NUGGC: variants seen among roughly 807,000 people sequenced by gnomAD.
NUGGC encodes nuclear GTPase SLIP-GC.
NUGGC carries 58 observed loss-of-function variants against 92.6 expected under a neutral mutation model. That is an observed-to-expected ratio of 0.63 (90% CI 0.51 to 0.78). NUGGC has a LOEUF of 0.78. NUGGC is among the 30% of genes least tolerant of loss of function. NUGGC has a pLI of 0.00. For synonymous variants in NUGGC, 376 were observed against 366.4 expected, an observed-to-expected ratio of 1.03 and a Z score of -0.30; for missense variants, 925 against 964.6, an observed-to-expected ratio of 0.96 and a Z score of 0.54.
At chr8:28,069,790 G>A (rs753869083) in intron 3 of NUGGC, 138 bp from the exon 4 acceptor site, 16 of 652,120 alleles carry the variant, frequency 2.5e-5, no homozygotes, top group Non-Finnish European at 3.9e-5. Context: ...AAGATAGCAG[G>A]TTATCTCACA....
intron 13 of NUGGC, among the ~76,000 whole-genome samples, chr8:28,035,300 G>A (rs537124700): frequency 2.0e-5 from 3 of 152,250 alleles, no homozygotes; most frequent in Admixed American, 6.5e-5. Context: ...CGAACATAGC[G>A]GTGCAGTGGC....
rs1809162942 is a variant in NUGGC at position 28,023,237 on chromosome 8, G to A, written c.*80C>T. On this transcript the variant is annotated 3_prime_UTR_variant, in exon 19 of 19. Transcript: ENST00000413272. ...TGGGCAACAGAGGTAGATAGATCTT[G>A]TCTCTTAAGAACAAAAAAAGTAATT... 3 of 1,456,068 alleles carry A rather than the reference G, an allele frequency of 2.1e-6. No individual in the cohort carries two copies. The highest frequency in any genetic ancestry group is 2.8e-5 in the African/African-American group (2 of 70,962). 90.2% of individuals were successfully genotyped at this position (1,456,068 alleles called of 1,614,324 possible). A position where few individuals can be genotyped will look rare whatever the true frequency, so the allele number is the denominator to read the frequency against.
In NUGGC at chr8:28,040,622, C is replaced by T. The variant is rs186094820; in HGVS notation, c.1611+429G>A. Among the ~76,000 whole-genome samples, 888 of 147,902 alleles carry T rather than the reference C, an allele frequency of 6.0e-3. 10 individuals are homozygous for T. The highest frequency in any genetic ancestry group is 0.02 in the African/African-American group (752 of 37,660). ...TTCACTCTCTCCTAACCTCCTCTGG[C>T]TCTTTTTTTTTGTTTTTTGTTTTTT... On this transcript the variant is annotated intron_variant, in intron 13 of 18. Transcript: ENST00000413272.
At position 28,045,585 on chromosome 8, in the gene NUGGC, G is replaced by A. The variant is rs771825734; in HGVS notation, c.1388C>T (p.Thr463Ile). 3 of 1,613,072 alleles carry A rather than the reference G, an allele frequency of 1.9e-6. No homozygotes were observed. The highest frequency in any genetic ancestry group is 2.5e-6 in the Non-Finnish European group (3 of 1,179,732). ...KKKRTVTKYVTEAFGLLLLTD... is the reference protein window; with the variant it reads ...KKKRTVTKYVIEAFGLLLLTD... ...GAGGAGCAACAGGCCAAAGGCTTCA[G>A]TCACATACTTGGTCACTGTCCTCTT... is the stretch of plus-strand genomic sequence containing the variant. The change falls in exon 12 of 19, where the codon ACT (threonine) becomes ATT (isoleucine). Residue 463 changes from threonine to isoleucine, a missense_variant. By Grantham distance (89) the Thr-to-Ile change is moderately conservative (BLOSUM62 -1). Coordinates refer to ENST00000413272, the MANE Select transcript of NUGGC (RefSeq NM_001010906.2).
intron 1 of NUGGC, among the ~76,000 whole-genome samples, chr8:28,081,082 G>A (rs912643812): frequency 6.6e-6 from 1 of 152,160 alleles, no homozygotes; most frequent in Non-Finnish European, 1.5e-5. Context: ...ACCTTGGGAG[G>A]CCAAGGTGGG....
intron 13 of NUGGC, 115 bp from the exon 14 acceptor site, chr8:28,033,812 C>A (rs970626432): frequency 8.9e-6 from 8 of 894,402 alleles, no homozygotes; most frequent in African/African-American, 3.4e-5. Context: ...AGTGTAGAGA[C>A]AACATGCTCT....
chr8:28,068,840 G>A (rs576151455), intron 4 of NUGGC, among the ~76,000 whole-genome samples: 1 of 152,204 alleles, frequency 6.6e-6, no homozygotes, highest in South Asian at 2.1e-4. Flanking sequence ...AGGCTCAAGC[G>A]ACTCCCTTGC....
intron 13 of NUGGC, 69 bp downstream of exon 13, chr8:28,040,982 T>C (rs1211814143): frequency 4.2e-6 from 6 of 1,442,712 alleles, no homozygotes; most frequent in South Asian, 3.8e-5. Context: ...AATGGGATGA[T>C]GCAAAAGAAG....
intron 8 of NUGGC, 117 bp from the exon 9 acceptor site, chr8:28,058,393 T>G: frequency 4.9e-6 from 1 of 205,194 alleles, no homozygotes; most frequent in Non-Finnish European, 1.1e-5. Context: ...TTTCATAAGT[T>G]CTTTCTTTGA....
intron 7 of NUGGC, among the ~76,000 whole-genome samples, chr8:28,063,420 C>T (rs1392861998): frequency 6.6e-6 from 1 of 152,228 alleles, no homozygotes; most frequent in Non-Finnish European, 1.5e-5. Flanking sequence ...GGGCCTGGAA[C>T]TAGCCAAGAT....
intron 2 of NUGGC, among the ~76,000 whole-genome samples, chr8:28,073,172 T>C (rs997942403): frequency 9.2e-5 from 7 of 75,818 alleles, no homozygotes; most frequent in African/African-American, 5.4e-4. Context: ...TGGCTAATTT[T>C]TTTTTCTTTT....
At chr8:28,065,385 C>G (rs57569781) in intron 6 of NUGGC, among the ~76,000 whole-genome samples, 4,088 of 152,250 alleles carry the variant, frequency 0.027, 177 homozygotes, top group African/African-American at 0.093. Context: ...TGGGGTCGAT[C>G]TCCTGACGTT....
intron 12 of NUGGC, among the ~76,000 whole-genome samples, chr8:28,043,763 G>A (rs547789955): frequency 5.3e-5 from 8 of 152,220 alleles, no homozygotes; most frequent in South Asian, 2.1e-4. Context: ...AGCCCACATC[G>A]GATTCATTTT....
intron 1 of NUGGC, among the ~76,000 whole-genome samples, chr8:28,082,502 G>A (rs1043636727): frequency 6.6e-6 from 1 of 152,284 alleles, no homozygotes; most frequent in South Asian, 2.1e-4. Context: ...TTTCTTTTGG[G>A]AGGAATGATT....
In NUGGC at chr8:28,056,031, C is replaced by A; in HGVS notation, c.1140G>T (p.Glu380Asp). ...TCATTTCATTTCTTTCTAAAACAGC[C>A]TCTCGCTGACTCTGAATAGCTTGCT... ...AGNQAIQSQR[E>D]AVLERNEMIK... is the part of the protein sequence containing the mutation. The change falls in exon 10 of 19, where the codon GAG becomes GAT. Residue 380 changes from glutamate to aspartate, a missense_variant. Physicochemically the swap from Glu to Asp is conservative, Grantham distance 45. Coordinates refer to ENST00000413272, the MANE Select transcript of NUGGC (RefSeq NM_001010906.2). 6.4e-7 allele frequency: 1 copy of A among 1,563,842 alleles called. No individual in the cohort carries two copies. The highest frequency in any genetic ancestry group is 8.7e-7 in the Non-Finnish European group (1 of 1,150,710).
intron 1 of NUGGC, among the ~76,000 whole-genome samples, chr8:28,081,925 A>T (rs1810861073): frequency 7.2e-6 from 1 of 139,238 alleles, no homozygotes; most frequent in Non-Finnish European, 1.5e-5. Flanking sequence ...TGCTCTCACA[A>T]GAAGGTGAGC....
intron 10 of NUGGC, among the ~76,000 whole-genome samples, chr8:28,052,480 T>TA (rs951056451): frequency 3.3e-5 from 5 of 151,970 alleles, no homozygotes; most frequent in African/African-American, 1.2e-4. Flanking sequence ...CTGGTGTCTT[T>TA]AAAAAAAGGG....
At chr8:28,052,228 C>T (rs1810025444) in intron 10 of NUGGC, among the ~76,000 whole-genome samples, 1 of 152,050 alleles carries the variant, frequency 6.6e-6, no homozygotes, top group Admixed American at 6.6e-5. Flanking sequence ...ACATTGTTTC[C>T]CCGTTTAATA....
intron 7 of NUGGC, 63 bp downstream of exon 7, chr8:28,064,459 G>A: frequency 7.4e-7 from 1 of 1,344,478 alleles, no homozygotes; most frequent in Non-Finnish European, 1.1e-6. Context: ...AGCATTCTTT[G>A]TTGCTTGAGA....
Sources: gnomAD v4.1 joint callset for allele counts (sites outside exome capture counted in the v4.1 genomes callset) on GRCh38, gnomAD v4.1.1 for gene constraint, MANE v1.5 for transcripts, NCBI Gene and HGNC (gene_info 2026-07-23, HGNC 2026-07-21) for gene names.